Variants in RYR3 observed in about 807,000 individuals in gnomAD.
RYR3 encodes the protein brain ryanodine receptor-calcium release channel.
Under a neutral mutation model 584.3 loss-of-function variants are expected in RYR3, and 207 were observed. The observed-to-expected ratio is 0.35, with a 90% confidence interval of 0.32 to 0.40. The LOEUF (loss-of-function observed/expected upper bound fraction) is 0.40, where lower values mean the gene tolerates loss of function less well. Among genes scored for constraint, RYR3 ranks in the 10% least tolerant of loss-of-function variants. RYR3 has a pLI of 1.00. For synonymous variants in RYR3, 2,416 were observed against 2,248.5 expected (o/e 1.07, Z -2.11); for missense variants, 5,616 against 6,089.2 (o/e 0.92, Z 2.59).
intron 1 of RYR3, among the ~76,000 whole-genome samples, chr15:33,464,162 C>G (rs865992691): frequency 2.0e-5 from 3 of 151,800 alleles, no homozygotes; most frequent in Middle Eastern, 6.8e-3. Flanking sequence ...GAGGTAAATA[C>G]TAGTTGGAAA....
intron 65 of RYR3, among the ~76,000 whole-genome samples, chr15:33,783,350 C>A (rs971277839): frequency 6.6e-6 from 1 of 152,182 alleles, no homozygotes; most frequent in Non-Finnish European, 1.5e-5. Context: ...AACAGTCTTG[C>A]GTCTGATTCT....
intron 4 of RYR3, 47 bp from the exon 5 acceptor site, chr15:33,533,264 C>T: frequency 3.0e-6 from 4 of 1,325,334 alleles, no homozygotes; most frequent in Non-Finnish European, 4.3e-6. Flanking sequence ...GATACCAAGA[C>T]TCAATGGAAG....
intron 1 of RYR3, among the ~76,000 whole-genome samples, chr15:33,414,321 C>A (rs2043624289): frequency 6.6e-6 from 1 of 152,092 alleles, no homozygotes; most frequent in Non-Finnish European, 1.5e-5. Flanking sequence ...GTATTGTAAG[C>A]TAGTGGTAGA....
intron 5 of RYR3, among the ~76,000 whole-genome samples, chr15:33,534,772 A>G (rs2055185120): frequency 6.6e-6 from 1 of 152,346 alleles, no homozygotes; most frequent in South Asian, 2.1e-4. Flanking sequence ...ACTTCGGAAC[A>G]TCAGCAATTA....
chr15:33,478,969 T>C (rs182021270), intron 2 of RYR3, among the ~76,000 whole-genome samples: 2 of 152,370 alleles, frequency 1.3e-5, no homozygotes, highest in East Asian at 3.9e-4. Context: ...GCTGTAGGTA[T>C]GTAACAGTGA....
At chr15:33,584,511 A>G (rs765139771) in intron 15 of RYR3, 21 bp downstream of exon 15, 18 of 1,140,360 alleles carry the variant, frequency 1.6e-5, no homozygotes, top group African/African-American at 1.6e-4. Context: ...ACAGGAAACT[A>G]TAACTAGAAA....
intron 18 of RYR3, among the ~76,000 whole-genome samples, chr15:33,612,787 C>T (rs932277021): frequency 1.3e-5 from 2 of 152,212 alleles, no homozygotes; most frequent in African/African-American, 4.8e-5. Flanking sequence ...GCACTTACAA[C>T]TAAACAGACA....
chr15:33,836,277 C>G (rs768911373), intron 87 of RYR3, among the ~76,000 whole-genome samples: 3 of 151,306 alleles, frequency 2.0e-5, no homozygotes, highest in Non-Finnish European at 4.4e-5. Context: ...CTCAGATCTT[C>G]CAAGAATTGT....
intron 86 of RYR3, among the ~76,000 whole-genome samples, chr15:33,834,311 CACACACACACACAGTG>C (rs1252075594): frequency 1.4e-5 from 2 of 145,398 alleles, no homozygotes; most frequent in African/African-American, 2.5e-5. Flanking sequence ...CACACACACA[CACACACACACACAGTG>C]AGATTAACAT....
intron 65 of RYR3, among the ~76,000 whole-genome samples, chr15:33,781,814 C>T (rs550669123): frequency 1.5e-4 from 23 of 150,532 alleles, no homozygotes; most frequent in African/African-American, 5.4e-4. Context: ...CCGCTTCAGC[C>T]TCATCTCACC....
intron 38 of RYR3, among the ~76,000 whole-genome samples, chr15:33,695,150 C>A (rs1323877525): frequency 6.6e-6 from 1 of 152,176 alleles, no homozygotes; most frequent in African/African-American, 2.4e-5. Flanking sequence ...TTCCTGCCAT[C>A]CATACCTTGT....
At chr15:33,317,710 T>C (rs1968389357) in intron 1 of RYR3, among the ~76,000 whole-genome samples, 1 of 152,220 alleles carries the variant, frequency 6.6e-6, no homozygotes, top group African/African-American at 2.4e-5. Context: ...AGATCATCTC[T>C]GAGACTGATG....
chr15:33,865,172 T>A lies in RYR3; in HGVS notation c.14559T>A (p.Asp4853Glu). The change falls in exon 104 of 104, where the codon GAT becomes GAA. Residue 4853 changes from aspartate to glutamate, a missense_variant. Physicochemically the swap from Asp to Glu is conservative, Grantham distance 45. Transcript: ENST00000634891. Reference protein sequence around the residue: ...VWKMYQERCWDFFPAGDCFRK... With the variant: ...VWKMYQERCWEFFPAGDCFRK... The stretch of plus-strand genomic sequence containing the variant: ...AGATGTACCAAGAAAGGTGTTGGGA[T>A]TTCTTCCCAGCCGGTGACTGCTTTC... 2.5e-6 allele frequency: 4 copies of A among 1,613,878 alleles called. No homozygotes were observed. The highest frequency in any genetic ancestry group is 3.4e-6 in the Non-Finnish European group (4 of 1,179,886).
intron 16 of RYR3, among the ~76,000 whole-genome samples, chr15:33,599,009 C>T (rs928316215): frequency 2.9e-4 from 44 of 151,844 alleles, no homozygotes; most frequent in South Asian, 4.2e-4. Flanking sequence ...GAGCAGAGAT[C>T]GAGCCACCGA....
intron 38 of RYR3, among the ~76,000 whole-genome samples, chr15:33,676,536 G>A (rs1337409873): frequency 6.6e-6 from 1 of 152,244 alleles, no homozygotes; most frequent in Non-Finnish European, 1.5e-5. Context: ...ATTAAAGAGA[G>A]CATTATAGTC....
At chr15:33,381,505 G>T (rs950652544) in intron 1 of RYR3, among the ~76,000 whole-genome samples, 2 of 152,070 alleles carry the variant, frequency 1.3e-5, no homozygotes, top group Non-Finnish European at 2.9e-5. Context: ...ACTATCCTCT[G>T]CTGCCCCAGC....
At chr15:33,546,825 A>G (rs1170477773) in intron 8 of RYR3, among the ~76,000 whole-genome samples, 1 of 152,092 alleles carries the variant, frequency 6.6e-6, no homozygotes, top group Non-Finnish European at 1.5e-5. Context: ...ATAAGTATAC[A>G]TTTTCTTTTC....
Position 33,662,841 on chromosome 15 carries a change from G to A in RYR3, c.5311G>A (p.Val1771Met), listed in dbSNP as rs1251336193. 2 of 1,613,816 alleles carry A rather than the reference G, an allele frequency of 1.2e-6. No individual in the cohort carries two copies. Among genetic ancestry groups the A allele is most frequent in the Non-Finnish European group, 1.7e-6 (2 of 1,179,906 alleles). ...AGAGGAGGGAGCAGAAAAGGAGGAA[G>A]TGACCCAGGTGGAGGAGAAGGCTGT... ...GTEEGAEKEE[V>M]TQVEEKAVEA... The change falls in exon 35 of 104, where the codon GTG becomes ATG. Residue 1771 changes from valine (V) to methionine (M), a missense_variant. By Grantham distance (21) the Val-to-Met change is conservative. Around this residue, in one of 9 missense-constraint regions of RYR3, gnomAD observed 753 missense variants for 741.0 expected, o/e 1.02. Coordinates refer to ENST00000634891, the MANE Select transcript of RYR3 (RefSeq NM_001036.6).
At chr15:33,629,538 C>T (rs944265547) in intron 21 of RYR3, among the ~76,000 whole-genome samples, 14 of 152,186 alleles carry the variant, frequency 9.2e-5, no homozygotes, top group African/African-American at 1.7e-4. Flanking sequence ...ATGTGCTTCA[C>T]GTTTGTGGCT....
Sources: gnomAD v4.1 joint callset for allele counts (sites outside exome capture counted in the v4.1 genomes callset) on GRCh38, gnomAD v4.1.1 for gene constraint, gnomAD v4.1.1 regional missense constraint, MANE v1.5 for transcripts, NCBI Gene and HGNC (gene_info 2026-07-23, HGNC 2026-07-21) for gene names.